Variants in PXDNL observed in about 807,000 individuals in gnomAD.
PXDNL encodes the protein probable oxidoreductase PXDNL.
A neutral mutation model predicts 150.8 loss-of-function variants in PXDNL; 145 were observed. That is an observed-to-expected ratio of 0.96 (90% CI 0.84 to 1.10). The LOEUF (loss-of-function observed/expected upper bound fraction) is 1.10, where lower values mean the gene tolerates loss of function less well. Among genes scored for constraint, PXDNL ranks in the 50% least tolerant of loss-of-function variants. The pLI is 0.00. For missense variants in PXDNL, 2,087 were observed against 1,873.9 expected, an observed-to-expected ratio of 1.11 and a Z score of -2.10; for synonymous variants, 757 against 725.7, an observed-to-expected ratio of 1.04 and a Z score of -0.69.
intron 20 of PXDNL, among the ~76,000 whole-genome samples, chr8:51,341,844 T>C (rs1415725799): frequency 6.6e-6 from 1 of 152,214 alleles, no homozygotes; most frequent in African/African-American, 2.4e-5. Flanking sequence ...GTGAAGATTA[T>C]ACAACGTTGG....
intron 1 of PXDNL, among the ~76,000 whole-genome samples, chr8:51,730,087 G>A (rs1816889253): frequency 6.6e-6 from 1 of 152,164 alleles, no homozygotes; most frequent in African/African-American, 2.4e-5. Flanking sequence ...CCCCTAGAGT[G>A]TACACCAAGA....
chr8:51,376,996 C>T (rs1438260400), intron 17 of PXDNL, among the ~76,000 whole-genome samples: 1 of 152,020 alleles, frequency 6.6e-6, no homozygotes, highest in African/African-American at 2.4e-5. Context: ...GGGTTACAGG[C>T]GTGAGCCACC....
intron 17 of PXDNL, among the ~76,000 whole-genome samples, chr8:51,404,703 A>G (rs1477998134): frequency 1.3e-5 from 2 of 152,240 alleles, no homozygotes; most frequent in African/African-American, 4.8e-5. Flanking sequence ...ACAATCCCTT[A>G]GCTAGACATA....
chr8:51,608,066 CAAGCAAG>C (rs1813897124), intron 2 of PXDNL, among the ~76,000 whole-genome samples: 1 of 98,184 alleles, frequency 1.0e-5, no homozygotes, highest in Non-Finnish European at 2.1e-5. Context: ...AGCAAGCAAG[CAAGCAAG>C]CAAGCAAGCA....
intron 10 of PXDNL, 110 bp downstream of exon 10, chr8:51,453,409 G>T: frequency 8.8e-7 from 1 of 1,142,130 alleles, no homozygotes; most frequent in Non-Finnish European, 1.2e-6. Context: ...AAAAATAATT[G>T]GCAAATAAAA....
At chr8:51,504,485 T>C (rs1811246456) in intron 4 of PXDNL, among the ~76,000 whole-genome samples, 1 of 152,186 alleles carries the variant, frequency 6.6e-6, no homozygotes, top group Non-Finnish European at 1.5e-5. Flanking sequence ...CCACCCTTCT[T>C]GCCTGGTAAT....
chr8:51,772,934 T>A (rs1172737685), intron 1 of PXDNL, among the ~76,000 whole-genome samples: 2 of 152,172 alleles, frequency 1.3e-5, no homozygotes, highest in East Asian at 3.9e-4. Flanking sequence ...TGCACACTAA[T>A]GTGCCTGCTA....
chr8:51,321,351 TACAA>T (rs1352926320), intron 21 of PXDNL, among the ~76,000 whole-genome samples: 1 of 152,230 alleles, frequency 6.6e-6, no homozygotes, highest in Non-Finnish European at 1.5e-5. Context: ...TCTCCAACTT[TACAA>T]TTTGGTATAA....
intron 1 of PXDNL, among the ~76,000 whole-genome samples, chr8:51,691,542 C>T (rs1815998475): frequency 6.6e-6 from 1 of 150,470 alleles, no homozygotes; most frequent in East Asian, 2.0e-4. Flanking sequence ...CAAACATTTA[C>T]AAGTAAGTTT....
intron 1 of PXDNL, among the ~76,000 whole-genome samples, chr8:51,770,589 C>T (rs1169168360): frequency 6.6e-6 from 1 of 152,206 alleles, no homozygotes; most frequent in East Asian, 1.9e-4. Context: ...GCTGTCTCCT[C>T]CTGTCTCTTG....
chr8:51,700,921 CAT>C (rs1816247009), intron 1 of PXDNL, among the ~76,000 whole-genome samples: 1 of 151,726 alleles, frequency 6.6e-6, no homozygotes, highest in Non-Finnish European at 1.5e-5. Flanking sequence ...ACAATATACT[CAT>C]ATACATACAC....
At chr8:51,673,500 CA>C (rs752710212) in intron 1 of PXDNL, among the ~76,000 whole-genome samples, 2 of 152,006 alleles carry the variant, frequency 1.3e-5, no homozygotes, top group African/African-American at 2.4e-5. Flanking sequence ...GAAGAAAGAT[CA>C]GAAGCTGTAG....
At chr8:51,636,083 G>T (rs1013269074) in intron 2 of PXDNL, among the ~76,000 whole-genome samples, 6 of 152,010 alleles carry the variant, frequency 3.9e-5, no homozygotes, top group African/African-American at 1.4e-4. Context: ...CCACATTAAT[G>T]GAATGATGGA....
intron 4 of PXDNL, among the ~76,000 whole-genome samples, chr8:51,537,533 G>A (rs973516176): frequency 6.6e-6 from 1 of 152,164 alleles, no homozygotes; most frequent in Non-Finnish European, 1.5e-5. Flanking sequence ...TGTGATCCCA[G>A]TCAGTCACAA....
intron 1 of PXDNL, among the ~76,000 whole-genome samples, chr8:51,735,730 T>C (rs571469528): frequency 6.7e-6 from 1 of 149,600 alleles, no homozygotes; most frequent in East Asian, 2.0e-4. Flanking sequence ...GTATTTTTAG[T>C]AGAGACGGGG....
chr8:51,721,893 G>T lies in PXDNL; in HGVS notation c.165-67133C>A. 4 of 276,274 alleles carry T rather than the reference G, an allele frequency of 1.4e-5. No homozygotes were observed. In the South Asian group the frequency reaches 1.9e-4, roughly 13 times the overall value. The allele number at this position is 276,274 out of a possible 1,614,324, so 17.1% of individuals were successfully genotyped here. A position where few individuals can be genotyped will look rare whatever the true frequency, so the allele number is the denominator to read the frequency against. On this transcript the variant is annotated intron_variant, in intron 1 of 22. Transcript: ENST00000356297. ...CTTTCAGCAGCTTTGTCCCAGCATG[G>T]CCTGTCATGGTGAAAGTGTTCCCAG... is the stretch of plus-strand genomic sequence containing the variant.
intron 1 of PXDNL, among the ~76,000 whole-genome samples, chr8:51,760,111 T>A (rs2037145574): frequency 6.6e-6 from 1 of 152,232 alleles, no homozygotes. Flanking sequence ...TTTCATATGT[T>A]AAAACTCGGA....
At chr8:51,629,255 G>GA (rs1814437257) in intron 2 of PXDNL, among the ~76,000 whole-genome samples, 1 of 152,114 alleles carries the variant, frequency 6.6e-6, no homozygotes, top group South Asian at 2.1e-4. Flanking sequence ...TATTGTAGCT[G>GA]AAAAATACAG....
At chr8:51,803,545 G>A (rs971608939) in intron 1 of PXDNL, among the ~76,000 whole-genome samples, 9 of 152,088 alleles carry the variant, frequency 5.9e-5, no homozygotes, top group East Asian at 1.9e-4. Flanking sequence ...AAGAACAAAC[G>A]ATACTGTCTT....
Sources: allele counts gnomAD v4.1 joint callset (sites outside exome capture counted in the v4.1 genomes callset), GRCh38; gene constraint gnomAD v4.1.1; transcripts MANE v1.5; gene names NCBI Gene and HGNC (gene_info 2026-07-23, HGNC 2026-07-21).